Variants in SDC2 observed in about 807,000 individuals in gnomAD.
SDC2 encodes the protein syndecan-2.
A neutral mutation model predicts 22.2 loss-of-function variants in SDC2; 13 were observed. The ratio of observed to expected loss-of-function variants is 0.59; its 90% confidence interval spans 0.38 to 0.93. SDC2 has a LOEUF of 0.93. Ranked by LOEUF, SDC2 falls within the 40% of genes least tolerant of loss-of-function variation. The pLI is 0.00. For missense variants in SDC2, 235 were observed against 246.8 expected, an observed-to-expected ratio of 0.95 and a Z score of 0.32; for synonymous variants, 94 against 92.8, an observed-to-expected ratio of 1.01 and a Z score of -0.07.
intron 1 of SDC2, among the ~76,000 whole-genome samples, chr8:96,540,151 G>C (rs1030214845): frequency 2.0e-5 from 3 of 151,396 alleles, no homozygotes; most frequent in Non-Finnish European, 2.9e-5. Context: ...CTCAAGGAGG[G>C]GAGAAGAAAG....
intron 1 of SDC2, among the ~76,000 whole-genome samples, chr8:96,515,239 G>C (rs1314148540): frequency 6.6e-6 from 1 of 151,980 alleles, no homozygotes; most frequent in Non-Finnish European, 1.5e-5. Flanking sequence ...TTACTGCCTT[G>C]CAATGAAGTT....
intron 1 of SDC2, among the ~76,000 whole-genome samples, chr8:96,548,390 G>A (rs1425161600): frequency 1.3e-5 from 2 of 152,128 alleles, no homozygotes; most frequent in African/African-American, 2.4e-5. Flanking sequence ...AAATGCTCAC[G>A]GGAGCATTTT....
chr8:96,603,628 A>G (rs189511533), intron 3 of SDC2, among the ~76,000 whole-genome samples: 4 of 152,190 alleles, frequency 2.6e-5, no homozygotes, highest in East Asian at 3.9e-4. Flanking sequence ...GCCAGAATGC[A>G]TGTGGGCTTT....
intron 1 of SDC2, among the ~76,000 whole-genome samples, chr8:96,576,564 C>T (rs1445687045): frequency 3.1e-5 from 4 of 130,878 alleles, no homozygotes; most frequent in African/African-American, 1.1e-4. Context: ...GGACTACAGG[C>T]GCCCGCCACT....
chr8:96,555,831 G>A (rs548132054), intron 1 of SDC2, among the ~76,000 whole-genome samples: 2 of 152,150 alleles, frequency 1.3e-5, no homozygotes, highest in South Asian at 2.1e-4. Context: ...GTGCAAGTTG[G>A]GGCACCCATA....
At chr8:96,566,766 T>G (rs1180375164) in intron 1 of SDC2, among the ~76,000 whole-genome samples, 2 of 152,046 alleles carry the variant, frequency 1.3e-5, no homozygotes, top group Non-Finnish European at 2.9e-5. Flanking sequence ...ATGTGCCCTG[T>G]TTTCATGCTT....
At chr8:96,496,405 G>T (rs1813075816) in intron 1 of SDC2, among the ~76,000 whole-genome samples, 1 of 152,168 alleles carries the variant, frequency 6.6e-6, no homozygotes, top group Non-Finnish European at 1.5e-5. Flanking sequence ...CATCCAAAAA[G>T]GGTGATTAGA....
chr8:96,518,361 GT>G (rs35449864), intron 1 of SDC2, among the ~76,000 whole-genome samples: 70,451 of 124,846 alleles, frequency 0.56, 18,480 homozygotes, highest in Non-Finnish European at 0.63. Flanking sequence ...ACCTTGAGAG[GT>G]TTTTTTTTTT....
intron 1 of SDC2, among the ~76,000 whole-genome samples, chr8:96,566,952 C>G (rs1265919943): frequency 6.6e-6 from 1 of 152,176 alleles, no homozygotes. Context: ...CTCTCAAGTT[C>G]AAGCGATTCT....
intron 1 of SDC2, among the ~76,000 whole-genome samples, chr8:96,570,863 A>G (rs528094569): frequency 5.9e-5 from 9 of 152,300 alleles, no homozygotes; most frequent in African/African-American, 1.9e-4. Flanking sequence ...GGTAACTGGA[A>G]TAGTCAAGTT....
intron 1 of SDC2, among the ~76,000 whole-genome samples, chr8:96,583,805 CACTTTT>C (rs1326313724): frequency 6.6e-6 from 1 of 151,636 alleles, no homozygotes; most frequent in Non-Finnish European, 1.5e-5. Context: ...TCGTTACAAA[CACTTTT>C]ACTTATTACT....
Position 96,576,389 on chromosome 8 carries a change from TTTTTACCAGATTTGCTTTATTATTCTC to T in SDC2, c.61-17086_61-17060del, listed in dbSNP as rs1563667828. Among the ~76,000 whole-genome samples, 229 of 100,994 alleles carry T rather than the reference TTTTTACCAGATTTGCTTTATTATTCTC, an allele frequency of 2.3e-3. 30 individuals carry two copies. The highest frequency in any genetic ancestry group is 2.5e-3 in the African/African-American group (63 of 25,068). 66.3% of individuals were successfully genotyped at this position (100,994 alleles called of 152,430 possible). A position where few individuals can be genotyped will look rare whatever the true frequency, so the allele number is the denominator to read the frequency against. On this transcript the variant is annotated intron_variant, in intron 1 of 4. Transcript: ENST00000302190. ...GTTTGTTTTTGTTTTGTTTTGTTTT[TTTTTACCAGATTTGCTTTATTATTCTC>T]TTTTTTTTTTTTTTTTTTTTTGAGA...
intron 1 of SDC2, among the ~76,000 whole-genome samples, chr8:96,505,065 C>A (rs1216078136): frequency 1.3e-5 from 2 of 151,982 alleles, no homozygotes; most frequent in African/African-American, 4.8e-5. Flanking sequence ...CAGGAACAGG[C>A]CATTTTCACT....
intron 1 of SDC2, among the ~76,000 whole-genome samples, chr8:96,564,769 G>T (rs993596420): frequency 6.6e-6 from 1 of 152,034 alleles, no homozygotes; most frequent in Non-Finnish European, 1.5e-5. Context: ...CAGCTTACAC[G>T]TGTTATCACA....
chr8:96,589,244 A>G (rs1375609380), intron 1 of SDC2, among the ~76,000 whole-genome samples: 1 of 152,202 alleles, frequency 6.6e-6, no homozygotes, highest in African/African-American at 2.4e-5. Context: ...AATACGAAGG[A>G]AAGTAGTGTC....
chr8:96,534,509 A>G (rs1259531190), intron 1 of SDC2, among the ~76,000 whole-genome samples: 1 of 151,918 alleles, frequency 6.6e-6, no homozygotes, highest in African/African-American at 2.4e-5. Flanking sequence ...ATGATAACTC[A>G]CTGTAACTTC....
intron 1 of SDC2, among the ~76,000 whole-genome samples, chr8:96,518,762 G>A (rs528150979): frequency 1.1e-4 from 17 of 152,198 alleles, no homozygotes; most frequent in African/African-American, 3.6e-4. Flanking sequence ...GCTTTTAATT[G>A]TTCACAGCTG....
At chr8:96,494,727 C>G (rs1028797081) in intron 1 of SDC2, among the ~76,000 whole-genome samples, 1 of 152,158 alleles carries the variant, frequency 6.6e-6, no homozygotes, top group African/African-American at 2.4e-5. Context: ...GCGCGCTCCT[C>G]GAGACCAGGG....
chr8:96,517,947 C>G (rs1332974868), intron 1 of SDC2, among the ~76,000 whole-genome samples: 1 of 152,164 alleles, frequency 6.6e-6, no homozygotes, highest in African/African-American at 2.4e-5. Context: ...CCTGCCTCAG[C>G]TGAGCTAATT....
Sources: gnomAD v4.1 joint callset for allele counts (sites outside exome capture counted in the v4.1 genomes callset) on GRCh38, gnomAD v4.1.1 for gene constraint, MANE v1.5 for transcripts, NCBI Gene and HGNC (gene_info 2026-07-23, HGNC 2026-07-21) for gene names.